The following PRMT3 variants were observed in gnomAD, a reference collection of about 807,000 sequenced individuals.
PRMT3 encodes the protein protein arginine N-methyltransferase 3.
A neutral mutation model predicts 71.9 loss-of-function variants in PRMT3; 62 were observed. The ratio of observed to expected loss-of-function variants is 0.86; its 90% confidence interval spans 0.70 to 1.07. The LOEUF is 1.07. Among genes scored for constraint, PRMT3 ranks in the 50% least tolerant of loss-of-function variants. The pLI, the probability that PRMT3 is intolerant of heterozygous loss-of-function variation, is 0.00. For missense variants in PRMT3, 663 were observed against 643.0 expected (o/e 1.03, Z -0.34); for synonymous variants, 213 against 220.4 (o/e 0.97, Z 0.30).
intron 7 of PRMT3, among the ~76,000 whole-genome samples, chr11:20,400,047 G>A (rs1318605780): frequency 6.6e-6 from 1 of 152,176 alleles, no homozygotes; most frequent in Non-Finnish European, 1.5e-5. Flanking sequence ...CAAGTTACGT[G>A]CCTTGGATGA....
intron 13 of PRMT3, among the ~76,000 whole-genome samples, chr11:20,489,094 T>C (rs1030020244): frequency 7.9e-5 from 12 of 152,212 alleles, no homozygotes; most frequent in African/African-American, 2.7e-4. Context: ...AGAAATTCAC[T>C]ATGTATACGT....
intron 13 of PRMT3, among the ~76,000 whole-genome samples, chr11:20,484,854 C>G (rs1851033695): frequency 6.6e-6 from 1 of 152,134 alleles, no homozygotes; most frequent in Non-Finnish European, 1.5e-5. Flanking sequence ...AAGTTAAATG[C>G]TATCTGTTTG....
intron 13 of PRMT3, among the ~76,000 whole-genome samples, chr11:20,480,393 T>C (rs1850901651): frequency 6.6e-6 from 1 of 152,194 alleles, no homozygotes; most frequent in African/African-American, 2.4e-5. Context: ...GTTGAAAAGT[T>C]GACCAAAGCC....
At chr11:20,413,779 C>T (rs565661314) in intron 9 of PRMT3, among the ~76,000 whole-genome samples, 2 of 152,242 alleles carry the variant, frequency 1.3e-5, no homozygotes, top group East Asian at 3.9e-4. Context: ...ACTTGCCTCT[C>T]TTCAACTCTG....
At chr11:20,495,093 A>C (rs1033047328) in intron 15 of PRMT3, among the ~76,000 whole-genome samples, 1 of 151,982 alleles carries the variant, frequency 6.6e-6, no homozygotes, top group African/African-American at 2.4e-5. Flanking sequence ...CAGTGGCACC[A>C]TCTCAGCTCA....
At position 20,397,689 on chromosome 11, in the gene PRMT3, G is replaced by A. The variant is rs775521424; in HGVS notation, c.673G>A (p.Gly225Arg). ...DEDGVYFSSY[G>R]HYGIHEEMLK... is the part of the protein sequence containing the mutation. Reference sequence around the variant, plus strand: ...GGATGGTGTTTATTTCAGCTCATACGGGCATTATGGGATACATGAAGAAAT... The same window carrying A: ...GGATGGTGTTTATTTCAGCTCATACAGGCATTATGGGATACATGAAGAAAT... Residue 225 changes from glycine (G) to arginine (R), a missense_variant, in exon 7 of 16, where the codon GGG becomes AGG. Coordinates refer to ENST00000331079, the MANE Select transcript of PRMT3 (RefSeq NM_005788.4). The A allele has an allele frequency of 4.6e-5, 74 of 1,613,872 alleles. No individual in the cohort carries two copies. The highest frequency in any genetic ancestry group is 5.8e-5 in the Non-Finnish European group (68 of 1,180,014).
chr11:20,478,193 GTTATGTTAGAGTGAGGGTCTTTT>G (rs1391604604), intron 13 of PRMT3, among the ~76,000 whole-genome samples: 45 of 152,116 alleles, frequency 3.0e-4, no homozygotes, highest in African/African-American at 7.7e-4. Flanking sequence ...TTTTCTTTTT[GTTATGTTAGAGTGAGGGTCTTTT>G]TTATGTTAGA....
At chr11:20,491,084 T>C (rs1851195581) in intron 13 of PRMT3, among the ~76,000 whole-genome samples, 1 of 152,204 alleles carries the variant, frequency 6.6e-6, no homozygotes, top group African/African-American at 2.4e-5. Context: ...GGATAATTTC[T>C]ATCAATCTTC....
At chr11:20,465,930 T>A (rs1027324727) in intron 13 of PRMT3, among the ~76,000 whole-genome samples, 1 of 152,156 alleles carries the variant, frequency 6.6e-6, no homozygotes, top group Admixed American at 6.5e-5. Flanking sequence ...CCATCTTGAT[T>A]AATGAAAATT....
chr11:20,438,548 G>A (rs2119994), intron 10 of PRMT3, among the ~76,000 whole-genome samples: 7,120 of 152,128 alleles, frequency 0.047, 267 homozygotes, highest in East Asian at 0.2. Context: ...GTAGGGTGGG[G>A]TGTCTCAGCT....
At chr11:20,464,784 G>A (rs1435563711) in intron 13 of PRMT3, among the ~76,000 whole-genome samples, 1 of 152,154 alleles carries the variant, frequency 6.6e-6, no homozygotes, top group Non-Finnish European at 1.5e-5. Flanking sequence ...TTTCTTTATA[G>A]AGTCTTCATT....
chr11:20,418,896 C>T (rs1704561532), intron 9 of PRMT3, among the ~76,000 whole-genome samples: 2 of 151,990 alleles, frequency 1.3e-5, no homozygotes, highest in Admixed American at 1.3e-4. Flanking sequence ...CATGTAGTAA[C>T]CATCACCCAG....
chr11:20,387,734 G>T lies in PRMT3; in HGVS notation c.-13G>T. ...CGCCCCCAGACACGCCGGGCTCTCG[G>T]GGCACCACAGCCATGTGCTCGTTAG... On this transcript the variant is annotated 5_prime_UTR_variant, in exon 1 of 16. Transcript: ENST00000331079. The surrounding 1 kb of genome is among the most constrained non-coding windows in gnomAD (Gnocchi z 4.3). 6.5e-7 allele frequency: 1 copy of T among 1,534,212 alleles called. No homozygotes were observed.
At chr11:20,465,638 G>A (rs1170896649) in intron 13 of PRMT3, among the ~76,000 whole-genome samples, 1 of 151,790 alleles carries the variant, frequency 6.6e-6, no homozygotes, top group Non-Finnish European at 1.5e-5. Flanking sequence ...TCTTTTAGTT[G>A]AAGTTGGTTT....
At chr11:20,448,783 A>T (rs1850086504) in intron 10 of PRMT3, among the ~76,000 whole-genome samples, 2 of 152,284 alleles carry the variant, frequency 1.3e-5, no homozygotes, top group South Asian at 4.1e-4. Flanking sequence ...TTAATTCCAT[A>T]TGTTCCTTTA....
chr11:20,387,953 T>G lies in PRMT3; in HGVS notation c.29-66T>G, dbSNP rs774636987. ...GGGCGGAGGAGAGCCCATCGTCACC[T>G]GCTCCTCGAGCCCCCGGGCCGCACC... is the stretch of plus-strand genomic sequence containing the variant. On this transcript the variant is annotated intron_variant, in intron 1 of 15. Coordinates refer to ENST00000331079, the MANE Select transcript of PRMT3 (RefSeq NM_005788.4). The surrounding 1 kb of genome is among the most constrained non-coding windows in gnomAD (Gnocchi z 4.3). The G allele has an allele frequency of 1.2e-6, 2 of 1,607,662 alleles. No individual in the cohort carries two copies. The highest frequency in any genetic ancestry group is 2.7e-5 in the African/African-American group (2 of 74,810).
intron 13 of PRMT3, among the ~76,000 whole-genome samples, chr11:20,482,351 A>G (rs74453638): frequency 0.031 from 4,622 of 147,786 alleles, 238 homozygotes; most frequent in African/African-American, 0.12. Flanking sequence ...CTTAAGCTAT[A>G]TTAAAATCAT....
intron 9 of PRMT3, among the ~76,000 whole-genome samples, chr11:20,414,441 A>T (rs1000534767): frequency 3.3e-5 from 5 of 152,176 alleles, no homozygotes; most frequent in African/African-American, 1.2e-4. Flanking sequence ...GAGAATCAGA[A>T]ATTGTTTCTT....
At chr11:20,406,947 AAGAATG>A (rs1188495886) in intron 8 of PRMT3, 2 of 152,240 alleles carry the variant, frequency 1.3e-5, no homozygotes, top group East Asian at 3.8e-4. Context: ...TATCCAATGT[AAGAATG>A]TCCATAAGTT....
Sources: allele counts gnomAD v4.1 joint callset (sites outside exome capture counted in the v4.1 genomes callset), GRCh38; gene constraint gnomAD v4.1.1; non-coding constraint Gnocchi (gnomAD v3.1); transcripts MANE v1.5; gene names NCBI Gene and HGNC (gene_info 2026-07-23, HGNC 2026-07-21).